The following MGST1 variants were observed in gnomAD, a reference collection of about 807,000 sequenced individuals.
MGST1 encodes the protein glutathione S-transferase 12.
In MGST1, 5 loss-of-function variants were observed where a neutral mutation model predicts 8.9. The observed-to-expected ratio is 0.56, with a 90% CI of 0.29 to 1.19. The LOEUF is 1.19. Ranked by LOEUF, MGST1 falls within the 50% of genes most tolerant of loss-of-function variation. The pLI is 0.08. For synonymous variants in MGST1, 54 were observed against 67.8 expected, an observed-to-expected ratio of 0.80 and a Z score of 1.00; for missense variants, 182 against 187.4, an observed-to-expected ratio of 0.97 and a Z score of 0.17.
chr12:16,570,384 G>A (rs913681159), intron 4 of MGST1, among the ~76,000 whole-genome samples: 2 of 151,720 alleles, frequency 1.3e-5, no homozygotes, highest in African/African-American at 4.8e-5. Context: ...TAAGTGGAGA[G>A]GTATCTGGTT....
At chr12:16,431,821 A>G (rs1476016923) in intron 1 of MGST1, among the ~76,000 whole-genome samples, 1 of 152,180 alleles carries the variant, frequency 6.6e-6, no homozygotes, top group East Asian at 1.9e-4. Context: ...AAGTTGTAAA[A>G]CAGCAACAAC....
intron 4 of MGST1, among the ~76,000 whole-genome samples, chr12:16,493,840 C>T (rs1941454230): frequency 6.6e-6 from 1 of 151,156 alleles, no homozygotes; most frequent in African/African-American, 2.5e-5. Flanking sequence ...TAGGACTCTT[C>T]TCTGAAACTT....
intron 1 of MGST1, among the ~76,000 whole-genome samples, chr12:16,429,654 C>T (rs1940921832): frequency 6.6e-6 from 1 of 152,154 alleles, no homozygotes; most frequent in South Asian, 2.1e-4. Flanking sequence ...TACTATACTG[C>T]AGCCCATTAA....
At position 16,401,180 on chromosome 12, in the gene MGST1, C is replaced by T; in HGVS notation, n.778+17576C>T. On this transcript the variant is annotated intron_variant and non_coding_transcript_variant, in intron 1 of 1. Transcript: ENST00000359720. The surrounding 1 kb of genome is among the most constrained non-coding windows in gnomAD (Gnocchi z 4.3). ...TTCTTCACAGAAGTGAGAACAGTAGCTGGGCCATCCTCATCCATAAGCACT... is the reference window on the plus strand; with the variant it reads ...TTCTTCACAGAAGTGAGAACAGTAGTTGGGCCATCCTCATCCATAAGCACT... 8.3e-6 allele frequency: 13 copies of T among 1,557,154 alleles called. No individual in the cohort carries two copies. Among genetic ancestry groups the T allele is most frequent in the Non-Finnish European group, 1.2e-5 (13 of 1,130,152 alleles).
At position 16,560,887 on chromosome 12, in the gene MGST1, T is replaced by C; in HGVS notation, n.483-28641T>C. 4.5e-6 allele frequency: 1 copy of C among 221,566 alleles called. No homozygotes were observed. Among genetic ancestry groups the C allele is most frequent in the Non-Finnish European group, 9.4e-6 (1 of 106,468 alleles). 13.7% of individuals were successfully genotyped at this position (221,566 alleles called of 1,614,324 possible). On this transcript the variant is annotated intron_variant and non_coding_transcript_variant, in intron 4 of 4. Coordinates refer to the MGST1 transcript ENST00000538857. This position sits in a 1 kb window ranked among gnomAD's most constrained non-coding sequence, Gnocchi z 5.0. ...AAAAGCAATATAACTTTGCTCTTAA[T>C]GTTATATATTAAACATTTTAGTTGG...
intron 4 of MGST1, among the ~76,000 whole-genome samples, chr12:16,476,854 A>G (rs1941326978): frequency 6.6e-6 from 1 of 152,198 alleles, no homozygotes; most frequent in South Asian, 2.1e-4. Flanking sequence ...GTGAGAAAGA[A>G]GAGGATTTCT....
chr12:16,401,891 A>G lies in MGST1; in HGVS notation n.778+18287A>G, dbSNP rs1010429644. 5.0e-6 allele frequency: 8 copies of G among 1,603,440 alleles called. No homozygotes were observed. In the South Asian group the frequency reaches 5.5e-5, roughly 11 times the overall value. ...CTTTCTTCATTAATTTGAGCTCCCCATCCTCCCTTACAGCGACTGTATATG... is the reference window on the plus strand; with the variant it reads ...CTTTCTTCATTAATTTGAGCTCCCCGTCCTCCCTTACAGCGACTGTATATG... On this transcript the variant is annotated intron_variant and non_coding_transcript_variant, in intron 1 of 1. Coordinates refer to the MGST1 transcript ENST00000359720. This position sits in a 1 kb window ranked among gnomAD's most constrained non-coding sequence, Gnocchi z 4.3.
rs1940759062 is a variant in MGST1 at position 16,413,387 on chromosome 12, G to T, written n.779-24001G>T. On this transcript the variant is annotated intron_variant and non_coding_transcript_variant, in intron 1 of 1. Coordinates refer to the MGST1 transcript ENST00000359720. This position sits in a 1 kb window ranked among gnomAD's most constrained non-coding sequence, Gnocchi z 4.0. ...AAAAAGACATCTGTTCATCCCGCAA[G>T]ATTTTGCTAACTCTCATCCAAGCAG... Among the ~76,000 whole-genome samples the T allele has an allele frequency of 6.6e-6, 1 of 152,198 alleles. No homozygotes were observed.
intron 4 of MGST1, among the ~76,000 whole-genome samples, chr12:16,569,954 T>G (rs938337515): frequency 6.6e-6 from 1 of 152,170 alleles, no homozygotes; most frequent in Non-Finnish European, 1.5e-5. Context: ...AAGTTTATAA[T>G]GAAGGAAAGG....
intron 4 of MGST1, among the ~76,000 whole-genome samples, chr12:16,468,847 A>T (rs1941272358): frequency 6.6e-6 from 1 of 152,210 alleles, no homozygotes; most frequent in Non-Finnish European, 1.5e-5. Flanking sequence ...TGCATTTCTC[A>T]GCATCACTAG....
downstream of MGST1, among the ~76,000 whole-genome samples, chr12:16,379,824 A>C (rs1456336362): frequency 6.6e-6 from 1 of 152,110 alleles, no homozygotes; most frequent in Admixed American, 6.6e-5. Flanking sequence ...TCAATTTCAG[A>C]GCCTGTTATT....
Position 16,363,881 on chromosome 12 carries a change from C to T in MGST1, c.308C>T (p.Ala103Val), listed in dbSNP as rs1329975971. ...YSLSGPDPST[A>V]ILHFRLFVGA... The stretch of plus-strand genomic sequence containing the variant: ...TTGAGTGGTCCCGACCCCTCTACAG[C>T]CATCCTGCACTTCAGACTATTTGTC... The change falls in exon 4 of 4, where the codon GCC (alanine) becomes GTC (valine). Residue 103 changes from alanine (A) to valine (V), a missense_variant. Ala to Val is a moderately conservative substitution (Grantham distance 64). Transcript: ENST00000396210. This position sits in a 1 kb window ranked among gnomAD's most constrained non-coding sequence, Gnocchi z 4.6. 1 of 1,613,962 alleles carries T rather than the reference C, an allele frequency of 6.2e-7. No individual in the cohort carries two copies. Among genetic ancestry groups the T allele is most frequent in the Non-Finnish European group, 8.5e-7 (1 of 1,179,896 alleles).
At chr12:16,430,972 A>G (rs951870286) in intron 1 of MGST1, among the ~76,000 whole-genome samples, 7 of 152,218 alleles carry the variant, frequency 4.6e-5, no homozygotes, top group Non-Finnish European at 8.8e-5. Context: ...AACTTTATTA[A>G]TGATCTTAGC....
chr12:16,461,027 A>T (rs1941214804), intron 4 of MGST1, among the ~76,000 whole-genome samples: 1 of 152,070 alleles, frequency 6.6e-6, no homozygotes, highest in African/African-American at 2.4e-5. Context: ...AGTGAAGTGG[A>T]TGTGGAGCAC....
intron 4 of MGST1, among the ~76,000 whole-genome samples, chr12:16,510,068 A>G (rs909259579): frequency 6.6e-6 from 1 of 152,194 alleles, no homozygotes; most frequent in Non-Finnish European, 1.5e-5. Flanking sequence ...AGTAAATTTT[A>G]GTTGTTATTT....
In MGST1 at chr12:16,401,142, ATTCTTCACTTTC is replaced by A; in HGVS notation, n.778+17547_778+17558del. 1 of 1,566,926 alleles carries A rather than the reference ATTCTTCACTTTC, an allele frequency of 6.4e-7. No individual in the cohort carries two copies. Among genetic ancestry groups the A allele is most frequent in the Non-Finnish European group, 8.8e-7 (1 of 1,138,086 alleles). ...CTTCGTTCCTTAGGAAAATACCCACATTCTTCACTTTCTTCTTCACAGAAGTGAGAACAGTAG... is the reference window on the plus strand; with the variant it reads ...CTTCGTTCCTTAGGAAAATACCCACATTCTTCACAGAAGTGAGAACAGTAG... On this transcript the variant is annotated intron_variant and non_coding_transcript_variant, in intron 1 of 1. Transcript: ENST00000359720. The surrounding 1 kb of genome is among the most constrained non-coding windows in gnomAD (Gnocchi z 4.3).
chr12:16,562,781 C>A (rs952548769), intron 4 of MGST1, among the ~76,000 whole-genome samples: 3 of 152,202 alleles, frequency 2.0e-5, no homozygotes, highest in Admixed American at 6.5e-5. Context: ...TAATAACAGA[C>A]AAATGATTTG....
At chr12:16,377,120 A>G (rs1279924009) in exon 4 of MGST1, 1 of 152,022 alleles carries the variant, frequency 6.6e-6, no homozygotes, top group African/African-American at 2.4e-5. Context: ...CACTTTTCAA[A>G]TACTCCAGTT....
At chr12:16,418,499 A>T (rs1053103925) in intron 1 of MGST1, among the ~76,000 whole-genome samples, 5 of 152,162 alleles carry the variant, frequency 3.3e-5, no homozygotes, top group Non-Finnish European at 5.9e-5. Flanking sequence ...TCTGATAAAA[A>T]ATTCACGTTT....
Sources: gnomAD v4.1 joint callset for allele counts (sites outside exome capture counted in the v4.1 genomes callset) on GRCh38, gnomAD v4.1.1 for gene constraint, Gnocchi (gnomAD v3.1) non-coding constraint, MANE v1.5 for transcripts, NCBI Gene and HGNC (gene_info 2026-07-23, HGNC 2026-07-21) for gene names.